SNURF: variants seen among roughly 807,000 people sequenced by gnomAD.
The protein encoded by SNURF is SNURF protein.
In SNURF, 6 loss-of-function variants were observed where a neutral mutation model predicts 11.6. The ratio of observed to expected loss-of-function variants is 0.52; its 90% CI spans 0.28 to 1.02. SNURF has a LOEUF of 1.02. Ranked by LOEUF, SNURF falls within the 50% of genes least tolerant of loss-of-function variation. The pLI is 0.09. For missense variants in SNURF, 84 were observed against 88.4 expected, an observed-to-expected ratio of 0.95 and a Z score of 0.20; for synonymous variants, 29 against 31.6, an observed-to-expected ratio of 0.92 and a Z score of 0.27.
chr15:24,968,212 A>G, exon 3 of SNURF: 2 of 610,288 alleles, frequency 3.3e-6, no homozygotes, highest in East Asian at 2.9e-5. Flanking sequence ...CATTGCAGAA[A>G]GTTTTAGAAA....
intron 2 of SNURF, among the ~76,000 whole-genome samples, chr15:24,962,885 T>C (rs948158205): frequency 6.6e-6 from 1 of 152,196 alleles, no homozygotes; most frequent in African/African-American, 2.4e-5. Flanking sequence ...GTAGGTAGCA[T>C]TTTTTTCTTA....
intron 2 of SNURF, 100 bp from the exon 3 acceptor site, chr15:24,967,806 TGGAAAAAAAAAAAAAAAAAAAAGGAA>T: frequency 1.4e-6 from 1 of 700,620 alleles, no homozygotes; most frequent in East Asian, 3.2e-5. Context: ...AGACCCTGTC[TGGAAAAAAAAAAAAAAAAAAAAGGAA>T]TATCTTCTTA....
downstream of SNURF, among the ~76,000 whole-genome samples, chr15:24,971,265 T>G (rs2076364758): frequency 6.6e-6 from 1 of 152,218 alleles, no homozygotes; most frequent in African/African-American, 2.4e-5. Context: ...TCATCCATCC[T>G]TGCAGTGTGA....
intron 1 of SNURF, among the ~76,000 whole-genome samples, chr15:24,956,826 T>C (rs1433969785): frequency 1.3e-5 from 2 of 152,142 alleles, no homozygotes; most frequent in Non-Finnish European, 1.5e-5. Flanking sequence ...TTGTACCACC[T>C]CCGCCTGTGT....
chr15:24,964,727 T>A (rs2075367484), intron 2 of SNURF, among the ~76,000 whole-genome samples: 1 of 152,128 alleles, frequency 6.6e-6, no homozygotes, highest in East Asian at 1.9e-4. Flanking sequence ...TTTAGGACTG[T>A]TAAGTGGGTG....
intron 3 of SNURF, chr15:24,974,382 T>C (rs2076822084): frequency 4.8e-6 from 7 of 1,454,066 alleles, no homozygotes; most frequent in Non-Finnish European, 5.8e-6. Context: ...TACCTTTATC[T>C]ATAGCCTTCC....
At chr15:24,977,843 T>G (rs1330647772) in exon 7 of SNURF, 2 of 1,613,502 alleles carry the variant, frequency 1.2e-6, no homozygotes, top group Non-Finnish European at 1.7e-6. Context: ...CCAGTATTGC[T>G]GGAGCCCCAA....
intron 1 of SNURF, among the ~76,000 whole-genome samples, chr15:24,957,162 C>T (rs1193723595): frequency 6.6e-6 from 1 of 152,002 alleles, no homozygotes; most frequent in African/African-American, 2.4e-5. Flanking sequence ...TTCAGTTATC[C>T]TTCTTAATCT....
At chr15:24,973,458 C>A (rs1422114072), downstream of SNURF, among the ~76,000 whole-genome samples, 2 of 151,630 alleles carry the variant, frequency 1.3e-5, no homozygotes, top group African/African-American at 4.8e-5. Flanking sequence ...AGTGCAGTGG[C>A]GCGATCTCAG....
chr15:24,976,238 T>C (rs1465417121), intron 4 of SNURF: 2 of 1,188,066 alleles, frequency 1.7e-6, no homozygotes, highest in African/African-American at 3.0e-5. Context: ...CTTGAGGTTG[T>C]ATAAATATTT....
chr15:24,976,368 T>A, exon 5 of SNURF: 2 of 1,613,344 alleles, frequency 1.2e-6, no homozygotes, highest in Non-Finnish European at 1.7e-6. Flanking sequence ...TGTTGCTGCG[T>A]GGGGAGAACT....
At chr15:24,967,813 A>G (rs2075877536) in intron 2 of SNURF, 119 bp from the exon 3 acceptor site, 12 of 756,308 alleles carry the variant, frequency 1.6e-5, no homozygotes, top group South Asian at 1.5e-4. Flanking sequence ...GTCTGGAAAA[A>G]AAAAAAAAAA....
downstream of SNURF, chr15:24,978,303 C>G: frequency 6.2e-7 from 1 of 1,614,166 alleles, no homozygotes; most frequent in South Asian, 1.1e-5. Context: ...GAGACCCCCT[C>G]CACCAGGCAT....
At chr15:24,960,629 G>C (rs1410139889) in intron 1 of SNURF, among the ~76,000 whole-genome samples, 1 of 152,110 alleles carries the variant, frequency 6.6e-6, no homozygotes, top group Non-Finnish European at 1.5e-5. Context: ...GCATTTTTTA[G>C]TGACTAATGT....
chr15:24,974,304 T>C, intron 3 of SNURF: 1 of 717,434 alleles, frequency 1.4e-6, no homozygotes, highest in Non-Finnish European at 2.5e-6. Flanking sequence ...CATGCTTTCC[T>C]CTGCAGGCTC....
chr15:24,955,191 C>T lies in SNURF; in HGVS notation c.14+129C>T, dbSNP rs2062635984. ...AATTTGGGCCCTAAAGTCCTTTGTT[C>T]TGGAGAACCAGATCCGGAATGTTCA... On this transcript the variant is annotated intron_variant, in intron 1 of 2. Transcript: ENST00000577949. 3 of 1,262,652 alleles carry T rather than the reference C, an allele frequency of 2.4e-6. No homozygotes were observed. In the South Asian group the frequency reaches 3.8e-5, roughly 16 times the overall value. The allele number at this position is 1,262,652 out of a possible 1,614,324, so 78.2% of individuals were successfully genotyped here. A position where few individuals can be genotyped will look rare whatever the true frequency, so the allele number is the denominator to read the frequency against.
At chr15:24,972,477 A>G (rs1041067324), downstream of SNURF, among the ~76,000 whole-genome samples, 1 of 151,500 alleles carries the variant, frequency 6.6e-6, no homozygotes, top group Non-Finnish European at 1.5e-5. Flanking sequence ...TTTATTTAAT[A>G]CATTTTTTAA....
At chr15:24,976,494 G>T in intron 5 of SNURF, 2 of 981,986 alleles carry the variant, frequency 2.0e-6, no homozygotes, top group South Asian at 2.8e-5. Flanking sequence ...AATCAGGGTA[G>T]AGCAGACACA....
At chr15:24,974,422 C>G (rs766395506) in intron 3 of SNURF, 8 of 1,611,530 alleles carry the variant, frequency 5.0e-6, no homozygotes, top group Middle Eastern at 3.3e-4. Context: ...CAAGTTTTAA[C>G]TGTGGACATT....
Sources: gnomAD v4.1 joint callset for allele counts (sites outside exome capture counted in the v4.1 genomes callset) on GRCh38, gnomAD v4.1.1 for gene constraint, MANE v1.5 for transcripts, NCBI Gene and HGNC (gene_info 2026-07-23, HGNC 2026-07-21) for gene names.